LRIF1: variants seen among roughly 807,000 people sequenced by gnomAD.
The protein encoded by LRIF1 is ligand-dependent nuclear receptor-interacting factor 1.
LRIF1 carries 32 observed loss-of-function variants against 52.7 expected under a neutral mutation model. That is an observed-to-expected ratio of 0.61 (90% CI 0.46 to 0.82). The LOEUF is 0.82. Among genes scored for constraint, LRIF1 ranks in the 40% least tolerant of loss-of-function variants. The pLI, the probability that LRIF1 is intolerant of heterozygous loss-of-function variation, is 0.00. For synonymous variants in LRIF1, 323 were observed against 317.4 expected, an observed-to-expected ratio of 1.02 and a Z score of -0.19; for missense variants, 887 against 892.0, an observed-to-expected ratio of 0.99 and a Z score of 0.07.
chr1:110,888,125 C>G, the LRIF1 span, among the ~76,000 whole-genome samples: 28 of 152,324 alleles, frequency 1.8e-4, no homozygotes, highest in African/African-American at 5.3e-4. Flanking sequence ...GAAACAAATT[C>G]TCTCCCTGAG....
chr1:110,931,544 C>T, the LRIF1 span, among the ~76,000 whole-genome samples: 4 of 152,120 alleles, frequency 2.6e-5, no homozygotes, highest in African/African-American at 9.7e-5. Context: ...GTTCTAGATC[C>T]TTGAGGAATC....
At chr1:110,895,168 G>A in the LRIF1 span, 4 of 745,652 alleles carry the variant, frequency 5.4e-6, no homozygotes, top group East Asian at 1.0e-4. Flanking sequence ...CCACATCCCT[G>A]AATCCCAGAA....
At chr1:110,899,260 T>C in the LRIF1 span, 1 of 1,161,002 alleles carries the variant, frequency 8.6e-7, no homozygotes, top group Non-Finnish European at 1.3e-6. Flanking sequence ...ATTTATAGCA[T>C]GAAGCCCTAC....
In LRIF1 at chr1:110,947,981, C is replaced by A. The variant is rs190274947; in HGVS notation, c.2288G>T (p.Arg763Leu). 6 of 1,582,070 alleles carry A rather than the reference C, an allele frequency of 3.8e-6. No homozygotes were observed. The highest frequency in any genetic ancestry group is 5.1e-6 in the Non-Finnish European group (6 of 1,167,606). Residue 763 changes from arginine (R) to leucine (L), a missense_variant, in exon 4 of 4, where the codon CGT (arginine) becomes CTT (leucine). Transcript: ENST00000369763. The part of the protein sequence containing the change: ...REKEAALEEM[R>L]KKMHQK ...ATTTTATTTTTGGTGCATCTTCTTACGCATTTCTTCAAGAGCTGCTTCTTT... is the reference window on the plus strand; with the variant it reads ...ATTTTATTTTTGGTGCATCTTCTTAAGCATTTCTTCAAGAGCTGCTTCTTT...
the LRIF1 span, among the ~76,000 whole-genome samples, chr1:110,900,252 C>T: frequency 1.3e-5 from 2 of 152,224 alleles, no homozygotes; most frequent in Admixed American, 6.5e-5. Flanking sequence ...ATCTTTGCCA[C>T]TTGTGCCTTT....
the LRIF1 span, chr1:110,936,526 C>T: frequency 6.6e-6 from 1 of 151,936 alleles, no homozygotes; most frequent in Non-Finnish European, 1.5e-5. Context: ...AAGTAGTTAT[C>T]GGATTGAAAT....
chr1:110,891,344 C>A, the LRIF1 span: 1 of 1,242,382 alleles, frequency 8.0e-7, no homozygotes, highest in Non-Finnish European at 1.2e-6. Flanking sequence ...TGATCTCTGG[C>A]TACCTTACAG....
the LRIF1 span, among the ~76,000 whole-genome samples, chr1:110,910,855 T>A: frequency 4.6e-5 from 7 of 152,204 alleles, no homozygotes; most frequent in African/African-American, 1.7e-4. Context: ...GCTAAAGTAG[T>A]GTTAAGGAGA....
Position 110,948,035 on chromosome 1 carries a change from A to C in LRIF1, c.2234T>G (p.Ile745Arg). 2 of 1,613,084 alleles carry C rather than the reference A, an allele frequency of 1.2e-6. No individual in the cohort carries two copies. Among genetic ancestry groups the C allele is most frequent in the South Asian group, 1.1e-5 (1 of 90,738 alleles). Residue 745 changes from isoleucine to arginine, a missense_variant, in exon 4 of 4, where the codon ATA (isoleucine) becomes AGA (arginine). By Grantham distance (97) the Ile-to-Arg change is moderately conservative. Coordinates refer to ENST00000369763, the MANE Select transcript of LRIF1 (RefSeq NM_018372.4). ...TCTCAGCACCTGCTTAAGTCTTCTTATTTTTTCATCTCGAATGGTTTCTTC... is the reference window on the plus strand; with the variant it reads ...TCTCAGCACCTGCTTAAGTCTTCTTCTTTTTTCATCTCGAATGGTTTCTTC... ...ELEETIRDEK[I>R]RRLKQVLREK...
rs553356772 is a variant in LRIF1, at chr1:110,957,062, C to T, written c.69-4247G>A. Among the ~76,000 whole-genome samples, 14 of 152,200 alleles carry T rather than the reference C, an allele frequency of 9.2e-5. No individual in the cohort carries two copies. In the South Asian group the frequency reaches 2.9e-3, roughly 32 times the overall value. On this transcript the variant is annotated intron_variant, in intron 1 of 3. Transcript: ENST00000369763. ...TACAACCTCTGTTTCTCTTGACTTT[C>T]CTAATGCTCCCTTACTCATTTTCTG...
At chr1:110,961,098 C>G (rs1042773139) in intron 1 of LRIF1, among the ~76,000 whole-genome samples, 2 of 152,198 alleles carry the variant, frequency 1.3e-5, no homozygotes, top group African/African-American at 4.8e-5. Flanking sequence ...GCATATCCTG[C>G]TTTTATCTTT....
At chr1:110,885,494 C>T in the LRIF1 span, among the ~76,000 whole-genome samples, 5 of 151,900 alleles carry the variant, frequency 3.3e-5, no homozygotes, top group African/African-American at 9.7e-5. Flanking sequence ...GCCGAGATCG[C>T]GCCACTGCAC....
chr1:110,958,358 C>T (rs925745227), intron 1 of LRIF1, among the ~76,000 whole-genome samples: 1 of 152,214 alleles, frequency 6.6e-6, no homozygotes, highest in Non-Finnish European at 1.5e-5. Context: ...AGCTTAATTT[C>T]TTCCAACTTG....
At chr1:110,955,722 T>C (rs1324106397) in intron 1 of LRIF1, among the ~76,000 whole-genome samples, 5 of 152,156 alleles carry the variant, frequency 3.3e-5, no homozygotes, top group South Asian at 4.1e-4. Context: ...TTTTTAAACT[T>C]TGACTGTCAA....
rs770485914 is a variant in LRIF1, at chr1:110,952,694, T to G, written c.190A>C (p.Met64Leu). Residue 64 changes from methionine to leucine, a missense_variant, in exon 2 of 4, where the codon ATG becomes CTG. Coordinates refer to ENST00000369763, the MANE Select transcript of LRIF1 (RefSeq NM_018372.4). ...NLIPLVQSSVMSDALKGNTGK... is the reference protein window; with the variant it reads ...NLIPLVQSSVLSDALKGNTGK... ...GTATTCCCTTTCAAAGCATCAGACATGACTGAAGATTGAACTAGTGGTATA... is the reference window on the plus strand; with the variant it reads ...GTATTCCCTTTCAAAGCATCAGACAGGACTGAAGATTGAACTAGTGGTATA... 56 of 1,614,096 alleles carry G rather than the reference T, an allele frequency of 3.5e-5. 2 individuals are homozygous for G. Among genetic ancestry groups the G allele is most frequent in the South Asian group, 3.3e-4 (30 of 91,070 alleles).
At chr1:110,902,669 T>G in the LRIF1 span, among the ~76,000 whole-genome samples, 1 of 152,072 alleles carries the variant, frequency 6.6e-6, no homozygotes, top group African/African-American at 2.4e-5. Flanking sequence ...GACCACTGAT[T>G]TCATAAAAGT....
At chr1:110,897,659 T>C in the LRIF1 span, 11 of 489,540 alleles carry the variant, frequency 2.2e-5, no homozygotes, top group East Asian at 2.9e-4. Context: ...TATGCCTGTT[T>C]CTTCATTCAC....
chr1:110,945,346 G>A (rs539139412), downstream of LRIF1, among the ~76,000 whole-genome samples: 1 of 152,044 alleles, frequency 6.6e-6, no homozygotes, highest in Non-Finnish European at 1.5e-5. Flanking sequence ...TATTTTGCTT[G>A]CTATATTTTC....
At chr1:110,883,719 C>T in the LRIF1 span, among the ~76,000 whole-genome samples, 1 of 151,912 alleles carries the variant, frequency 6.6e-6, no homozygotes, top group Non-Finnish European at 1.5e-5. Flanking sequence ...AATTCAGTTT[C>T]TTATTAGAGA....
Sources: gnomAD v4.1 joint callset for allele counts (sites outside exome capture counted in the v4.1 genomes callset) on GRCh38, gnomAD v4.1.1 for gene constraint, MANE v1.5 for transcripts, NCBI Gene and HGNC (gene_info 2026-07-23, HGNC 2026-07-21) for gene names.